Variants in CPVL observed in about 807,000 individuals in gnomAD.
The protein encoded by CPVL is carboxypeptidase vitellogenic like.
CPVL carries 51 observed loss-of-function variants against 63.7 expected under a neutral mutation model. The observed-to-expected ratio is 0.80, with a 90% confidence interval of 0.64 to 1.01. CPVL has a LOEUF of 1.01. Ranked by LOEUF, CPVL falls within the 50% of genes least tolerant of loss-of-function variation. The pLI, the probability that CPVL is intolerant of heterozygous loss-of-function variation, is 0.00. For synonymous variants in CPVL, 195 were observed against 206.0 expected (o/e 0.95, Z 0.46); for missense variants, 530 against 573.1 (o/e 0.92, Z 0.77).
intron 12 of CPVL, among the ~76,000 whole-genome samples, chr7:29,004,980 T>C (rs1239565544): frequency 6.7e-6 from 1 of 150,188 alleles, no homozygotes; most frequent in African/African-American, 2.5e-5. Flanking sequence ...CCCTGCAGCC[T>C]CTGCTTGCTG....
intron 1 of CPVL, among the ~76,000 whole-genome samples, chr7:29,141,914 CA>C (rs35465616): frequency 0.36 from 51,208 of 143,234 alleles, 8,740 homozygotes; most frequent in African/African-American, 0.42. Context: ...GACACCATCT[CA>C]AAAAAAAAAA....
intron 11 of CPVL, among the ~76,000 whole-genome samples, chr7:29,058,013 T>C (rs1299246354): frequency 6.6e-6 from 1 of 152,152 alleles, no homozygotes; most frequent in Non-Finnish European, 1.5e-5. Flanking sequence ...TCTGTGTCTT[T>C]TGCCTCTCCT....
chr7:29,040,278 A>T (rs552662256), intron 11 of CPVL, among the ~76,000 whole-genome samples: 1 of 152,346 alleles, frequency 6.6e-6, no homozygotes, highest in South Asian at 2.1e-4. Context: ...GAAAAGAATT[A>T]ATTTCACTAT....
Position 29,030,618 on chromosome 7 carries a change from C to T in CPVL, c.1279G>A (p.Glu427Lys). The change falls in exon 12 of 13, where the codon GAA (glutamate) becomes AAA (lysine). Residue 427 changes from glutamate (E) to lysine (K), a missense_variant. Physicochemically the swap from Glu to Lys is moderately conservative, Grantham distance 56. Coordinates refer to ENST00000265394, the MANE Select transcript of CPVL (RefSeq NM_031311.5). ...GCTTGCCGGATGTAACCAGCCACTTCACTGTCAGATTTAAAGATCTTCCAA... is the reference window on the plus strand; with the variant it reads ...GCTTGCCGGATGTAACCAGCCACTTTACTGTCAGATTTAAAGATCTTCCAA... ...KVWKIFKSDS[E>K]VAGYIRQAGD... 1 of 1,613,822 alleles carries T rather than the reference C, an allele frequency of 6.2e-7. No individual in the cohort carries two copies. The highest frequency in any genetic ancestry group is 8.5e-7 in the Non-Finnish European group (1 of 1,179,842).
At chr7:29,048,981 A>G (rs969328586) in intron 11 of CPVL, among the ~76,000 whole-genome samples, 3 of 152,114 alleles carry the variant, frequency 2.0e-5, no homozygotes, top group Non-Finnish European at 4.4e-5. Flanking sequence ...CAATAATGAC[A>G]CAACCTATCA....
rs1006215286 is a variant in CPVL, at chr7:29,021,226, T to C, written c.1320+9351A>G. 2.6e-5 allele frequency among the ~76,000 whole-genome samples: 4 copies of C among 151,278 alleles called. No homozygotes were observed. In the East Asian group the frequency reaches 5.8e-4, roughly 22 times the overall value. ...AATGAATCTGAAATTTTGGATGAAATAGACAAATTCCTGAAAAAAAATTAC... is the reference window on the plus strand; with the variant it reads ...AATGAATCTGAAATTTTGGATGAAACAGACAAATTCCTGAAAAAAAATTAC... On this transcript the variant is annotated intron_variant, in intron 12 of 12. Transcript: ENST00000265394.
intron 11 of CPVL, among the ~76,000 whole-genome samples, chr7:29,033,450 G>C (rs1347997319): frequency 6.6e-6 from 1 of 152,156 alleles, no homozygotes; most frequent in Non-Finnish European, 1.5e-5. Context: ...ACAAGGACAG[G>C]TTGGCCAAAT....
intron 1 of CPVL, chr7:29,146,177 TGC>T: frequency 6.3e-6 from 1 of 159,796 alleles, no homozygotes; most frequent in East Asian, 1.9e-4. Context: ...GAACCCCGGG[TGC>T]GACAGTTGTG....
intron 1 of CPVL, among the ~76,000 whole-genome samples, chr7:29,190,101 C>T (rs948488482): frequency 1.3e-5 from 2 of 152,198 alleles, no homozygotes; most frequent in East Asian, 1.9e-4. Flanking sequence ...CCCCTAGTGA[C>T]GCCTGCCTCA....
At chr7:29,088,034 TC>T (rs1307303815) in intron 6 of CPVL, among the ~76,000 whole-genome samples, 1 of 152,202 alleles carries the variant, frequency 6.6e-6, no homozygotes. Context: ...TACTTCCTTT[TC>T]TCTCTTCCTG....
intron 5 of CPVL, among the ~76,000 whole-genome samples, 169 bp downstream of exon 5, chr7:29,094,915 T>C (rs989589769): frequency 2.0e-5 from 3 of 152,096 alleles, no homozygotes; most frequent in African/African-American, 4.8e-5. Context: ...GATATGATTA[T>C]ACATGTTAAC....
chr7:29,131,932 C>T (rs1790744256), intron 1 of CPVL, among the ~76,000 whole-genome samples: 1 of 152,252 alleles, frequency 6.6e-6, no homozygotes, highest in African/African-American at 2.4e-5. Flanking sequence ...TCCAAGTTGA[C>T]TGGACCATCC....
chr7:29,005,203 G>T (rs1362008490), intron 12 of CPVL, among the ~76,000 whole-genome samples: 1 of 152,018 alleles, frequency 6.6e-6, no homozygotes, highest in African/African-American at 2.4e-5. Flanking sequence ...TTACAAATAT[G>T]TCTTAAGTTT....
At chr7:29,061,943 CA>C (rs558152536) in intron 11 of CPVL, among the ~76,000 whole-genome samples, 4,600 of 104,056 alleles carry the variant, frequency 0.044, 77 homozygotes, top group South Asian at 0.072. Flanking sequence ...AACTCTATCT[CA>C]AAAAAAAAAA....
chr7:29,187,868 A>C (rs575950545), intron 1 of CPVL, among the ~76,000 whole-genome samples: 33 of 152,370 alleles, frequency 2.2e-4, no homozygotes, highest in African/African-American at 7.5e-4. Flanking sequence ...TTGGGCATAC[A>C]TTCATTTACA....
intron 3 of CPVL, among the ~76,000 whole-genome samples, chr7:29,109,075 T>C (rs1788004601): frequency 6.6e-6 from 1 of 152,222 alleles, no homozygotes. Flanking sequence ...AAGGATTAGA[T>C]AAGAAAATGC....
chr7:29,111,134 C>A (rs1387091846), intron 3 of CPVL, among the ~76,000 whole-genome samples: 1 of 152,152 alleles, frequency 6.6e-6, no homozygotes, highest in Non-Finnish European at 1.5e-5. Flanking sequence ...AAGTTTGTGG[C>A]AATTTGTTAT....
chr7:29,091,151 C>A (rs186667152), intron 6 of CPVL, among the ~76,000 whole-genome samples: 253 of 152,322 alleles, frequency 1.7e-3, no homozygotes, highest in African/African-American at 5.8e-3. Context: ...ACAATAGATG[C>A]TTTGAAATAG....
chr7:29,102,936 GTCAT>G (rs1201170375), intron 3 of CPVL, among the ~76,000 whole-genome samples: 4 of 152,130 alleles, frequency 2.6e-5, no homozygotes, highest in Admixed American at 6.5e-5. Flanking sequence ...TTAATGGAAT[GTCAT>G]TCAAAGAAAG....
Sources: allele counts gnomAD v4.1 joint callset (sites outside exome capture counted in the v4.1 genomes callset), GRCh38; gene constraint gnomAD v4.1.1; transcripts MANE v1.5; gene names NCBI Gene and HGNC (gene_info 2026-07-23, HGNC 2026-07-21).